Variants in FNIP1 observed in about 807,000 individuals in gnomAD.
The protein encoded by FNIP1 is folliculin-interacting protein 1.
A neutral mutation model predicts 124.5 loss-of-function variants in FNIP1; 40 were observed. The ratio of observed to expected loss-of-function variants is 0.32; its 90% CI spans 0.25 to 0.42. The LOEUF (loss-of-function observed/expected upper bound fraction) is 0.42, where lower values mean the gene tolerates loss of function less well. FNIP1 is among the 10% of genes least tolerant of loss of function. The pLI, the probability that FNIP1 is intolerant of heterozygous loss-of-function variation, is 1.00. For synonymous variants in FNIP1, 472 were observed against 470.6 expected (o/e 1.00, Z -0.04); for missense variants, 1,176 against 1,403.7 (o/e 0.84, Z 2.59).
chr5:131,794,227 T>C (rs1221314163), intron 1 of FNIP1, among the ~76,000 whole-genome samples: 3 of 84,960 alleles, frequency 3.5e-5, no homozygotes, highest in Non-Finnish European at 6.1e-5. Flanking sequence ...TGAGACTCCA[T>C]CTAAAAAAAA....
chr5:131,756,266 G>C (rs1054087652), intron 1 of FNIP1, among the ~76,000 whole-genome samples: 1 of 152,074 alleles, frequency 6.6e-6, no homozygotes, highest in Non-Finnish European at 1.5e-5. Context: ...GGAATAGTGT[G>C]ACCATATAAC....
chr5:131,766,462 T>C (rs1771428951), intron 1 of FNIP1, among the ~76,000 whole-genome samples: 1 of 152,186 alleles, frequency 6.6e-6, no homozygotes, highest in South Asian at 2.1e-4. Context: ...AATCTCCTTC[T>C]AAGTTATTTA....
chr5:131,693,314 A>ACATATATATATATG, intron 11 of FNIP1, among the ~76,000 whole-genome samples: 1 of 17,144 alleles, frequency 5.8e-5, no homozygotes, highest in Non-Finnish European at 1.6e-4. Context: ...ATATATATAT[A>ACATATATATATATG]TACACATATA....
chr5:131,796,832 G>A lies in FNIP1; in HGVS notation c.90C>T (p.Phe30=), dbSNP rs1314788225. The change falls in exon 1 of 18, where the codon TTC becomes TTT. Residue 30 remains phenylalanine (F), a splice_region_variant and synonymous_variant. Coordinates refer to ENST00000510461, the MANE Select transcript of FNIP1 (RefSeq NM_133372.3). ...ACCCCCGCCCCACAGCGCCCTACCT[G>A]AACCCGCAATCTGGGTCCCGGGCGT... ...GRDARDPDCG[F]SWPLPEFDPS... 6.3e-7 allele frequency: 1 copy of A among 1,585,588 alleles called. No homozygotes were observed. The highest frequency in any genetic ancestry group is 8.6e-7 in the Non-Finnish European group (1 of 1,166,500).
chr5:131,737,367 T>C (rs1770348186), intron 2 of FNIP1, among the ~76,000 whole-genome samples: 1 of 152,138 alleles, frequency 6.6e-6, no homozygotes, highest in Non-Finnish European at 1.5e-5. Context: ...CACTTTTAGG[T>C]GTGTTTTTAT....
chr5:131,668,774 G>T (rs890245558), intron 15 of FNIP1, among the ~76,000 whole-genome samples: 1 of 152,176 alleles, frequency 6.6e-6, no homozygotes, highest in African/African-American at 2.4e-5. Flanking sequence ...ACTCAACTCT[G>T]CTGTTAGGCA....
chr5:131,734,874 GT>G (rs1215327923), intron 2 of FNIP1, among the ~76,000 whole-genome samples: 1 of 152,178 alleles, frequency 6.6e-6, no homozygotes, highest in African/African-American at 2.4e-5. Context: ...CTGTAAACTA[GT>G]TCAACCATTG....
intron 6 of FNIP1, among the ~76,000 whole-genome samples, chr5:131,715,780 A>G (rs1769448204): frequency 6.6e-6 from 1 of 152,090 alleles, no homozygotes. Flanking sequence ...AAAAATAAAT[A>G]ATAGGATGTC....
At chr5:131,647,609 G>A (rs907227405) in intron 16 of FNIP1, among the ~76,000 whole-genome samples, 13 of 151,932 alleles carry the variant, frequency 8.6e-5, no homozygotes, top group African/African-American at 3.1e-4. Context: ...GAGTAGCTGG[G>A]ACTACAGCCA....
chr5:131,768,435 T>C (rs1335942023), intron 1 of FNIP1, among the ~76,000 whole-genome samples: 2 of 150,784 alleles, frequency 1.3e-5, no homozygotes, highest in African/African-American at 4.9e-5. Flanking sequence ...AGAGACCCAG[T>C]ATCCAAGTTG....
At chr5:131,728,561 T>C (rs1769970866) in intron 3 of FNIP1, among the ~76,000 whole-genome samples, 2 of 152,178 alleles carry the variant, frequency 1.3e-5, no homozygotes, top group African/African-American at 4.8e-5. Context: ...AAACTGTTTA[T>C]TCCAGTTAGC....
At chr5:131,690,272 T>C (rs750174045) in intron 11 of FNIP1, among the ~76,000 whole-genome samples, 1 of 151,996 alleles carries the variant, frequency 6.6e-6, no homozygotes, top group Non-Finnish European at 1.5e-5. Flanking sequence ...AGTTAAGGTA[T>C]AGAAAAAGAT....
At chr5:131,711,732 G>C (rs1344631384) in intron 6 of FNIP1, among the ~76,000 whole-genome samples, 1 of 152,176 alleles carries the variant, frequency 6.6e-6, no homozygotes, top group Non-Finnish European at 1.5e-5. Context: ...CTGGGGTCAA[G>C]TGATCCTCCT....
intron 11 of FNIP1, among the ~76,000 whole-genome samples, chr5:131,682,058 T>C (rs1251785494): frequency 6.6e-6 from 1 of 152,188 alleles, no homozygotes; most frequent in Non-Finnish European, 1.5e-5. Context: ...ATAGGATTCA[T>C]TTATTTTTAA....
chr5:131,710,724 G>A, intron 6 of FNIP1, 63 bp from the exon 7 acceptor site: 1 of 1,442,132 alleles, frequency 6.9e-7, no homozygotes, highest in Non-Finnish European at 9.5e-7. Context: ...CAATGCGTCA[G>A]GGAAAAAAGG....
chr5:131,712,522 A>G (rs138701766), intron 6 of FNIP1, among the ~76,000 whole-genome samples: 7 of 152,336 alleles, frequency 4.6e-5, no homozygotes, highest in African/African-American at 1.7e-4. Flanking sequence ...AAAAGACTGA[A>G]TACAGACGCA....
intron 1 of FNIP1, among the ~76,000 whole-genome samples, chr5:131,792,839 T>C (rs1346952329): frequency 7.5e-6 from 1 of 133,912 alleles, no homozygotes; most frequent in Non-Finnish European, 1.7e-5. Context: ...ATTATGCATA[T>C]GCAAGTATTC....
intron 11 of FNIP1, among the ~76,000 whole-genome samples, chr5:131,680,746 C>A (rs1176907500): frequency 6.6e-6 from 1 of 152,030 alleles, no homozygotes; most frequent in Middle Eastern, 3.4e-3. Flanking sequence ...ACAGTGAGAC[C>A]CTGTCTCTAT....
At chr5:131,778,403 C>G (rs938336805) in intron 1 of FNIP1, among the ~76,000 whole-genome samples, 11 of 151,844 alleles carry the variant, frequency 7.2e-5, no homozygotes, top group Non-Finnish European at 1.5e-4. Flanking sequence ...AAATGCTCAT[C>G]ATCACTGGCC....
Sources: gnomAD v4.1 joint callset for allele counts (sites outside exome capture counted in the v4.1 genomes callset) on GRCh38, gnomAD v4.1.1 for gene constraint, MANE v1.5 for transcripts, NCBI Gene and HGNC (gene_info 2026-07-23, HGNC 2026-07-21) for gene names.